BABAM2: variants seen among roughly 807,000 people sequenced by gnomAD.
BABAM2 encodes the protein BRISC and BRCA1-A complex member 2.
Under a neutral mutation model 54.7 loss-of-function variants are expected in BABAM2, and 31 were observed. That is an observed-to-expected ratio of 0.57 (90% CI 0.43 to 0.77). The LOEUF is 0.77. BABAM2 is among the 30% of genes least tolerant of loss of function. The pLI is 0.00. For missense variants in BABAM2, 364 were observed against 455.8 expected (o/e 0.80, Z 1.83); for synonymous variants, 167 against 162.9 (o/e 1.03, Z -0.19).
chr2:28,158,315 T>C (rs1220605712), intron 7 of BABAM2, among the ~76,000 whole-genome samples: 5 of 152,170 alleles, frequency 3.3e-5, no homozygotes, highest in Admixed American at 2.6e-4. Flanking sequence ...ACCAATAAAC[T>C]CTAAATGAAG....
intron 2 of BABAM2, among the ~76,000 whole-genome samples, chr2:27,929,051 TAA>T (rs374733074): frequency 1.2e-4 from 14 of 114,584 alleles, no homozygotes; most frequent in Admixed American, 4.6e-4. Context: ...CCTCCTCTCT[TAA>T]AAAAAAAAAA....
At chr2:28,232,962 TTTAA>T (rs1681554063) in intron 7 of BABAM2, among the ~76,000 whole-genome samples, 1 of 152,180 alleles carries the variant, frequency 6.6e-6, no homozygotes, top group African/African-American at 2.4e-5. Flanking sequence ...TTTTCATCTA[TTTAA>T]TTACCCCTAC....
intron 7 of BABAM2, among the ~76,000 whole-genome samples, chr2:28,221,217 C>G (rs1327943261): frequency 6.6e-6 from 1 of 151,918 alleles, no homozygotes; most frequent in Non-Finnish European, 1.5e-5. Context: ...TGTTTCTTTC[C>G]ATTCCTGTCT....
intron 3 of BABAM2, among the ~76,000 whole-genome samples, chr2:27,933,685 G>A (rs987159885): frequency 6.6e-6 from 1 of 150,908 alleles, no homozygotes; most frequent in African/African-American, 2.4e-5. Context: ...GGATGGTCTC[G>A]ATCTCTTGAC....
At chr2:28,006,405 C>T (rs1673981287) in intron 4 of BABAM2, among the ~76,000 whole-genome samples, 1 of 151,956 alleles carries the variant, frequency 6.6e-6, no homozygotes, top group Non-Finnish European at 1.5e-5. Context: ...ATAGAGGCAT[C>T]TTTAGATTTT....
chr2:27,947,414 A>T lies in BABAM2; in HGVS notation c.205+17506A>T, dbSNP rs542642433. Among the ~76,000 whole-genome samples, 5 of 152,198 alleles carry T rather than the reference A, an allele frequency of 3.3e-5. No individual in the cohort carries two copies. In the South Asian group the frequency reaches 1.0e-3, roughly 32 times the overall value. ...ATAATACTTCATTTATCATGTAAGAACCTAACAATATTATATACTTCTTTT... is the reference window on the plus strand; with the variant it reads ...ATAATACTTCATTTATCATGTAAGATCCTAACAATATTATATACTTCTTTT... On this transcript the variant is annotated intron_variant, in intron 3 of 11. Transcript: ENST00000379624.
chr2:28,241,801 T>C (rs895331772), intron 9 of BABAM2, among the ~76,000 whole-genome samples: 8 of 151,102 alleles, frequency 5.3e-5, no homozygotes, highest in African/African-American at 1.9e-4. Flanking sequence ...CCCCACATGA[T>C]ACCTTTTTAA....
rs532693877 is a variant in BABAM2, at chr2:28,290,351, C to T, written c.935-7987C>T. Among the ~76,000 whole-genome samples the T allele has an allele frequency of 1.4e-3, 207 of 152,280 alleles. 2 individuals carry two copies. Among genetic ancestry groups the T allele is most frequent in the African/African-American group, 4.7e-3 (194 of 41,548 alleles). ...TTTCTTAAGAGTGGAATTGCTGTGT[C>T]GTGGAGTACATACACCTTTACTTTT... On this transcript the variant is annotated intron_variant, in intron 10 of 11. Coordinates refer to ENST00000379624, the MANE Select transcript of BABAM2 (RefSeq NM_199191.3).
intron 2 of BABAM2, among the ~76,000 whole-genome samples, chr2:27,906,857 A>G (rs556629902): frequency 3.3e-4 from 51 of 152,264 alleles, no homozygotes; most frequent in Non-Finnish European, 6.2e-4. Context: ...TCTATTGTGT[A>G]CAATTTTTAG....
intron 3 of BABAM2, among the ~76,000 whole-genome samples, chr2:27,947,678 C>T (rs895470884): frequency 1.3e-5 from 2 of 152,036 alleles, no homozygotes; most frequent in African/African-American, 4.8e-5. Context: ...AACGAAACTG[C>T]CTAATTCCAT....
intron 3 of BABAM2, among the ~76,000 whole-genome samples, chr2:27,950,123 C>T (rs1415693626): frequency 6.6e-6 from 1 of 152,148 alleles, no homozygotes; most frequent in Non-Finnish European, 1.5e-5. Flanking sequence ...GAAAAATGAC[C>T]TTTCCTTAAC....
intron 6 of BABAM2, among the ~76,000 whole-genome samples, chr2:28,096,548 C>T (rs934817520): frequency 2.0e-5 from 3 of 152,068 alleles, no homozygotes; most frequent in Non-Finnish European, 4.4e-5. Context: ...CTTCGATTGT[C>T]ACTAAACCAG....
intron 4 of BABAM2, among the ~76,000 whole-genome samples, chr2:28,024,322 C>T (rs1009797508): frequency 1.3e-5 from 2 of 151,686 alleles, no homozygotes; most frequent in East Asian, 1.9e-4. Flanking sequence ...AAGAGAATGG[C>T]GTGAACCCGG....
intron 6 of BABAM2, among the ~76,000 whole-genome samples, chr2:28,104,838 A>G (rs1046001583): frequency 6.6e-6 from 1 of 152,194 alleles, no homozygotes; most frequent in Non-Finnish European, 1.5e-5. Flanking sequence ...GCACTTATAC[A>G]CCATGGAATA....
chr2:28,130,886 CCAGCCA>C (rs1669975000), intron 7 of BABAM2, among the ~76,000 whole-genome samples: 1 of 151,784 alleles, frequency 6.6e-6, no homozygotes, highest in Non-Finnish European at 1.5e-5. Context: ...ACTACAGGCA[CCAGCCA>C]CCACGCCCAG....
chr2:28,112,436 T>G (rs1431679750), intron 6 of BABAM2, among the ~76,000 whole-genome samples: 2 of 151,662 alleles, frequency 1.3e-5, no homozygotes, highest in Non-Finnish European at 2.9e-5. Flanking sequence ...CAACTCCCAC[T>G]TATGAGTGAG....
chr2:28,212,548 C>T (rs1012864465), intron 7 of BABAM2, among the ~76,000 whole-genome samples: 21 of 152,038 alleles, frequency 1.4e-4, no homozygotes, highest in Non-Finnish European at 2.2e-4. Flanking sequence ...ATAATATGAG[C>T]GTGTATTCTA....
At chr2:28,204,132 A>G (rs17709083) in intron 7 of BABAM2, among the ~76,000 whole-genome samples, 13,594 of 152,084 alleles carry the variant, frequency 0.089, 683 homozygotes, top group Middle Eastern at 0.18. Context: ...TGTTGGAGTT[A>G]CTTACATATT....
chr2:27,899,090 C>T (rs1174720758), intron 2 of BABAM2, among the ~76,000 whole-genome samples: 2 of 151,986 alleles, frequency 1.3e-5, no homozygotes, highest in Non-Finnish European at 1.5e-5. Context: ...ATAGCTAGAC[C>T]CCTTCTCTAA....
Sources: gnomAD v4.1 joint callset for allele counts (sites outside exome capture counted in the v4.1 genomes callset) on GRCh38, gnomAD v4.1.1 for gene constraint, MANE v1.5 for transcripts, NCBI Gene and HGNC (gene_info 2026-07-23, HGNC 2026-07-21) for gene names.